TTC6: variants seen among roughly 807,000 people sequenced by gnomAD.
TTC6 encodes the protein tetratricopeptide repeat protein 6.
TTC6 carries 172 observed loss-of-function variants against 210.4 expected under a neutral mutation model. The observed-to-expected ratio is 0.82, with a 90% CI of 0.72 to 0.93. The LOEUF is 0.93. TTC6 is among the 40% of genes least tolerant of loss of function. The pLI is 0.00. For missense variants in TTC6, 2,414 were observed against 2,318.1 expected (o/e 1.04, Z -0.85); for synonymous variants, 804 against 819.6 (o/e 0.98, Z 0.32).
chr14:37,821,902 T>A (rs1035644224), intron 26 of TTC6, among the ~76,000 whole-genome samples: 4 of 146,238 alleles, frequency 2.7e-5, no homozygotes, highest in Non-Finnish European at 4.5e-5. Context: ...TGTCTTAGCC[T>A]CCCGAGTAGC....
chr14:37,712,592 A>G (rs1463556492), intron 5 of TTC6, among the ~76,000 whole-genome samples: 1 of 152,204 alleles, frequency 6.6e-6, no homozygotes, highest in African/African-American at 2.4e-5. Context: ...GGCCTCAGGA[A>G]ACTTACAATC....
chr14:37,705,429 T>C (rs77198570), intron 5 of TTC6, among the ~76,000 whole-genome samples: 8,699 of 152,222 alleles, frequency 0.057, 381 homozygotes, highest in Non-Finnish European at 0.089. Context: ...AATCTTGCCA[T>C]TTATAGATAA....
intron 14 of TTC6, among the ~76,000 whole-genome samples, chr14:37,754,874 G>A (rs1029326430): frequency 2.0e-5 from 3 of 152,186 alleles, no homozygotes; most frequent in African/African-American, 7.2e-5. Flanking sequence ...ACATATGTGT[G>A]CATGTGTCAT....
intron 1 of TTC6, among the ~76,000 whole-genome samples, chr14:37,658,733 G>A (rs1205625282): frequency 1.3e-5 from 2 of 152,142 alleles, no homozygotes; most frequent in Admixed American, 6.6e-5. Context: ...AGAAAGAAAA[G>A]AAAAGTCCTG....
intron 1 of TTC6, among the ~76,000 whole-genome samples, chr14:37,668,489 G>A (rs1417283326): frequency 6.7e-6 from 1 of 150,360 alleles, no homozygotes; most frequent in Non-Finnish European, 1.5e-5. Flanking sequence ...GGAACTAGTG[G>A]ATTGACTAGG....
At chr14:37,829,597 G>C (rs2096180097) in intron 29 of TTC6, among the ~76,000 whole-genome samples, 1 of 151,922 alleles carries the variant, frequency 6.6e-6, no homozygotes, top group African/African-American at 2.4e-5. Flanking sequence ...TATTATGTCA[G>C]CTTGTCACAT....
chr14:37,697,561 G>A (rs1320814769), intron 4 of TTC6, among the ~76,000 whole-genome samples: 1 of 152,026 alleles, frequency 6.6e-6, no homozygotes, highest in Non-Finnish European at 1.5e-5. Flanking sequence ...AAGGTATGCT[G>A]GACATGGAAG....
In TTC6 at chr14:37,771,208, C is replaced by A. The variant is rs989506990; in HGVS notation, c.3267-16260C>A. On this transcript the variant is annotated intron_variant, in intron 14 of 30. Coordinates refer to ENST00000553443, the Ensembl canonical transcript of TTC6. ...TGATGGGCTTCCCTTTGAGGGTAAC[C>A]CGACCTTTCTGTCTGGCTGCACTTA... Among the ~76,000 whole-genome samples, 257 of 152,222 alleles carry A rather than the reference C, an allele frequency of 1.7e-3. 1 individual carries two copies. The highest frequency in any genetic ancestry group is 0.01 in the Middle Eastern group (3 of 294).
At chr14:37,682,653 T>A (rs868227667) in intron 2 of TTC6, 105 bp from the exon 5 acceptor site, 2 of 929,582 alleles carry the variant, frequency 2.2e-6, no homozygotes, top group Middle Eastern at 3.3e-4. Flanking sequence ...GTTTCAAGCA[T>A]GCGTTTTCAT....
rs970636917 is a variant in TTC6, at chr14:37,769,090, A to G, written c.3266+15855A>G. 4.6e-5 allele frequency among the ~76,000 whole-genome samples: 7 copies of G among 151,150 alleles called. No homozygotes were observed. The East Asian group carries it at 7.8e-4, about 17-fold the overall frequency. On this transcript the variant is annotated intron_variant, in intron 14 of 30. Transcript: ENST00000553443. ...GGTTTTTGTCTTTGGCTCTGTTTATATGCTGGATTACATTTATTGATTTGC... is the reference window on the plus strand; with the variant it reads ...GGTTTTTGTCTTTGGCTCTGTTTATGTGCTGGATTACATTTATTGATTTGC...
chr14:37,796,803 T>A (rs755995573), exon 20 of TTC6: 3 of 1,605,484 alleles, frequency 1.9e-6, no homozygotes, highest in Admixed American at 3.4e-5. Context: ...GTGAGTTGAG[T>A]CCTATGCAGC....
upstream of TTC6, among the ~76,000 whole-genome samples, chr14:37,620,625 T>C (rs2095649643): frequency 6.6e-6 from 1 of 152,224 alleles, no homozygotes; most frequent in Non-Finnish European, 1.5e-5. Flanking sequence ...CTACTTATGA[T>C]CATAGCTAGC....
chr14:37,603,998 T>G (rs1433036073), intron 1 of TTC6, among the ~76,000 whole-genome samples: 3 of 152,074 alleles, frequency 2.0e-5, no homozygotes, highest in Non-Finnish European at 4.4e-5. Context: ...AACAAAAAGA[T>G]CCCCCACAAT....
chr14:37,823,741 T>C lies in TTC6; in HGVS notation c.4764-6T>C, dbSNP rs1400025512. The C allele has an allele frequency of 1.2e-5, 20 of 1,611,688 alleles. No homozygotes were observed. The highest frequency in any genetic ancestry group is 1.7e-5 in the Non-Finnish European group (20 of 1,178,510). On this transcript the variant is annotated splice_polypyrimidine_tract_variant and splice_region_variant and intron_variant, in intron 26 of 30. Transcript: ENST00000553443. ...AGAAGGCATCAATATTTTTATTTAT[T>C]TGCAGAATTAATGAGTTTGAAGAAG...
At chr14:37,780,906 G>T (rs556140050) in intron 14 of TTC6, among the ~76,000 whole-genome samples, 7 of 152,218 alleles carry the variant, frequency 4.6e-5, no homozygotes, top group African/African-American at 1.7e-4. Flanking sequence ...GTGATAGTTT[G>T]CTAAGAACGA....
exon 10 of TTC6, chr14:37,739,115 G>T (rs936384608): frequency 1.3e-6 from 2 of 1,524,138 alleles, no homozygotes; most frequent in East Asian, 2.4e-5. Flanking sequence ...ACTTATATTC[G>T]TGCATGAAGA....
At chr14:37,801,562 A>G (rs181372831) in intron 20 of TTC6, among the ~76,000 whole-genome samples, 10 of 152,312 alleles carry the variant, frequency 6.6e-5, no homozygotes, top group African/African-American at 2.4e-4. Context: ...GCAGTATATA[A>G]GACCTCCTTC....
chr14:37,625,199 A>C (rs1026771489), intron 1 of TTC6, among the ~76,000 whole-genome samples: 10 of 152,180 alleles, frequency 6.6e-5, no homozygotes, highest in African/African-American at 2.4e-4. Context: ...TGAAAAATGT[A>C]CAATGGGGAA....
At chr14:37,827,892 C>T (rs531409547) in intron 29 of TTC6, 1 of 152,340 alleles carries the variant, frequency 6.6e-6, no homozygotes, top group Non-Finnish European at 1.5e-5. Context: ...GTATATGTTG[C>T]CGAAGTGAGC....
Sources: gnomAD v4.1 joint callset for allele counts (sites outside exome capture counted in the v4.1 genomes callset) on GRCh38, gnomAD v4.1.1 for gene constraint, MANE v1.5 for transcripts, NCBI Gene and HGNC (gene_info 2026-07-23, HGNC 2026-07-21) for gene names.